DMD: variants seen among roughly 807,000 people sequenced by gnomAD.
DMD encodes dystrophin, also known as mutant dystrophin.
DMD carries 63 observed loss-of-function variants against 330.1 expected under a neutral mutation model. The observed-to-expected ratio is 0.19, with a 90% CI of 0.16 to 0.24. The LOEUF (loss-of-function observed/expected upper bound fraction) is 0.24, where lower values mean the gene tolerates loss of function less well. DMD is among the 10% of genes least tolerant of loss of function. DMD has a pLI of 1.00. For missense variants in DMD, 3,344 were observed against 2,684.1 expected (o/e 1.25, Z -5.43); for synonymous variants, 1,223 against 959.8 (o/e 1.27, Z -5.07).
chrX:33,071,377 C>T (rs966818413), intron 1 of DMD, among the ~76,000 whole-genome samples: 3 of 104,789 alleles, frequency 2.9e-5, no homozygotes, highest in Non-Finnish European at 5.8e-5. Flanking sequence ...TGAGATCACG[C>T]CACTTCACTC....
At chrX:31,513,392 G>A (rs1312142619) in intron 55 of DMD, among the ~76,000 whole-genome samples, 1 of 109,496 alleles carries the variant, frequency 9.1e-6, no homozygotes, top group African/African-American at 3.3e-5. Flanking sequence ...AGTGGTGAGA[G>A]AGGGCATCCC....
intron 1 of DMD, among the ~76,000 whole-genome samples, chrX:33,178,881 T>A (rs1016896219): frequency 3.6e-5 from 4 of 112,334 alleles, no homozygotes; most frequent in African/African-American, 1.3e-4. Context: ...AAAAACAGAA[T>A]GTTGATGGTC....
chrX:31,171,389 G>C (rs2039979429), intron 73 of DMD, among the ~76,000 whole-genome samples: 1 of 111,652 alleles, frequency 9.0e-6, no homozygotes, highest in Non-Finnish European at 1.9e-5. Context: ...TTTCTCATCT[G>C]AGCATGACTT....
At chrX:33,013,214 T>A (rs964900828) in intron 2 of DMD, among the ~76,000 whole-genome samples, 1 of 111,114 alleles carries the variant, frequency 9.0e-6, no homozygotes, top group Non-Finnish European at 1.9e-5. Flanking sequence ...GCAAGCCACA[T>A]AAATTCACAT....
Position 33,121,034 on chromosome X carries a change from G to A in DMD, c.31+90248C>T, listed in dbSNP as rs111604206. Among the ~76,000 whole-genome samples, 706 of 109,643 alleles carry A rather than the reference G, an allele frequency of 6.4e-3. 7 individuals carry two copies. Among genetic ancestry groups the A allele is most frequent in the African/African-American group, 0.022 (677 of 30,186 alleles). ...TCTATCGATTTTTGGAATGCTATTT[G>A]CAAACTTTTTTCTGGGCCCACTTAA... On this transcript the variant is annotated intron_variant, in intron 1 of 78. Coordinates refer to ENST00000357033, the MANE Select transcript of DMD (RefSeq NM_004006.3).
rs142518614 is a variant in DMD at position 31,941,990 on chromosome X, T to G, written c.6615-9763A>C. 2.5e-3 allele frequency among the ~76,000 whole-genome samples: 282 copies of G among 111,905 alleles called. 2 individuals are homozygous for G. The highest frequency in any genetic ancestry group is 8.7e-3 in the African/African-American group (268 of 30,782). On this transcript the variant is annotated intron_variant, in intron 45 of 78. Coordinates refer to ENST00000357033, the MANE Select transcript of DMD (RefSeq NM_004006.3). The stretch of plus-strand genomic sequence containing the variant: ...TTACTGTATAGTGCTGCGACGAACA[T>G]GTGAGTACATGTGTCTCTTTGGTAG...
intron 7 of DMD, among the ~76,000 whole-genome samples, chrX:32,731,357 G>A (rs2067615043): frequency 8.9e-6 from 1 of 112,620 alleles, no homozygotes; most frequent in Non-Finnish European, 1.9e-5. Context: ...CATTGCCTAG[G>A]CTTGATTAGG....
At chrX:32,694,605 C>G (rs2063509799) in intron 9 of DMD, among the ~76,000 whole-genome samples, 1 of 111,966 alleles carries the variant, frequency 8.9e-6, no homozygotes, top group South Asian at 3.7e-4. Context: ...GATCATGAAA[C>G]AGAAAAGCTC....
intron 17 of DMD, among the ~76,000 whole-genome samples, chrX:32,529,734 G>A (rs769008596): frequency 2.7e-5 from 3 of 110,348 alleles, no homozygotes; most frequent in East Asian, 5.7e-4. Context: ...TATTCATCTA[G>A]CAATCAAATT....
intron 50 of DMD, among the ~76,000 whole-genome samples, chrX:31,800,641 T>A (rs2092019393): frequency 8.9e-6 from 1 of 112,489 alleles, no homozygotes; most frequent in African/African-American, 3.2e-5. Flanking sequence ...CAGCTTGTAT[T>A]TCTCAGAAAA....
At chrX:32,497,059 A>T (rs745875077) in intron 19 of DMD, among the ~76,000 whole-genome samples, 3 of 111,765 alleles carry the variant, frequency 2.7e-5, no homozygotes, top group Admixed American at 1.9e-4. Context: ...TGATCATGAG[A>T]GTTTTAGCTT....
At chrX:33,310,744 G>A (rs1037637597) in intron 1 of DMD, among the ~76,000 whole-genome samples, 2 of 110,959 alleles carry the variant, frequency 1.8e-5, no homozygotes, top group African/African-American at 6.5e-5. Context: ...GCCACAGAAA[G>A]TCAGATCAAA....
chrX:32,763,252 T>A (rs1314628003), intron 7 of DMD, among the ~76,000 whole-genome samples: 4 of 112,484 alleles, frequency 3.6e-5, no homozygotes, highest in African/African-American at 1.3e-4. Context: ...AATACAATCG[T>A]TATACTTTTA....
chrX:31,669,815 A>G (rs2081642307), intron 53 of DMD, among the ~76,000 whole-genome samples: 1 of 104,890 alleles, frequency 9.5e-6, no homozygotes, highest in African/African-American at 3.5e-5. Flanking sequence ...TTCAATAGAA[A>G]TGGTAGGATC....
At chrX:32,503,745 A>G (rs1016773904) in intron 18 of DMD, among the ~76,000 whole-genome samples, 8 of 110,753 alleles carry the variant, frequency 7.2e-5, no homozygotes, top group South Asian at 3.9e-4. Flanking sequence ...TAGTAGAGAC[A>G]GGGTTTCACC....
intron 44 of DMD, among the ~76,000 whole-genome samples, chrX:32,204,598 T>C (rs914721629): frequency 2.9e-4 from 32 of 111,399 alleles, no homozygotes; most frequent in African/African-American, 1.0e-3. Context: ...CACATACACA[T>C]ACAACTGTGT....
intron 9 of DMD, among the ~76,000 whole-genome samples, chrX:32,664,094 A>G (rs1194074808): frequency 9.0e-6 from 1 of 111,662 alleles, no homozygotes; most frequent in Non-Finnish European, 1.9e-5. Context: ...AAAATGGATT[A>G]CAGGTAAGGC....
At chrX:32,270,582 G>C (rs1469110626) in intron 43 of DMD, among the ~76,000 whole-genome samples, 1 of 111,745 alleles carries the variant, frequency 8.9e-6, no homozygotes, top group Non-Finnish European at 1.9e-5. Flanking sequence ...CCTGATCTTT[G>C]GATATGCCAC....
intron 52 of DMD, among the ~76,000 whole-genome samples, chrX:31,727,587 C>T (rs761457780): frequency 8.9e-6 from 1 of 111,824 alleles, no homozygotes; most frequent in Non-Finnish European, 1.9e-5. Context: ...ATGCTCTGGA[C>T]ACAAAAGATG....
Sources: allele counts gnomAD v4.1 joint callset (sites outside exome capture counted in the v4.1 genomes callset), GRCh38; gene constraint gnomAD v4.1.1; transcripts MANE v1.5; gene names NCBI Gene and HGNC (gene_info 2026-07-23, HGNC 2026-07-21).